Variants in ZNF578 observed in about 807,000 individuals in gnomAD.
ZNF578 encodes the protein zinc finger protein 578.
ZNF578 carries 8 observed loss-of-function variants against 8.3 expected under a neutral mutation model. That is an observed-to-expected ratio of 0.96 (90% CI 0.56 to 1.74). ZNF578 has a LOEUF of 1.74. Among genes scored for constraint, ZNF578 ranks in the 40% most tolerant of loss-of-function variants. The probability of loss-of-function intolerance (pLI) is 0.00; values close to 1 mark genes in which losing one functional copy is unlikely to be tolerated. For synonymous variants in ZNF578, 206 were observed against 232.2 expected (o/e 0.89, Z 1.03); for missense variants, 726 against 707.5 (o/e 1.03, Z -0.30).
chr19:52,477,597 G>GTT (rs34090143), intron 2 of ZNF578, among the ~76,000 whole-genome samples: 22 of 138,844 alleles, frequency 1.6e-4, no homozygotes, highest in Admixed American at 6.5e-4. Flanking sequence ...CCATTTTAGG[G>GTT]TTTTTTTTTT....
chr19:52,506,517 G>GA (rs2059426280), intron 5 of ZNF578, among the ~76,000 whole-genome samples: 1 of 146,086 alleles, frequency 6.8e-6, no homozygotes, highest in South Asian at 2.1e-4. Flanking sequence ...ACCCAGGCTG[G>GA]AGTGCAGTGG....
chr19:52,459,238 GA>G (rs1423181060), intron 2 of ZNF578, among the ~76,000 whole-genome samples: 1 of 152,130 alleles, frequency 6.6e-6, no homozygotes, highest in Non-Finnish European at 1.5e-5. Flanking sequence ...TGTATACCCA[GA>G]ATACACTATA....
Position 52,516,397 on chromosome 19 carries a change from G to A in ZNF578, c.*4243G>A, listed in dbSNP as rs927861395. Reference sequence around the variant, plus strand: ...CATGTGTGTGTGGGCTTCTCCAGAAGGGGAGCCAGAGTTTCCCTGTAGGAG... The same window carrying A: ...CATGTGTGTGTGGGCTTCTCCAGAAAGGGAGCCAGAGTTTCCCTGTAGGAG... On this transcript the variant is annotated 3_prime_UTR_variant, in exon 6 of 6. Coordinates refer to ENST00000421239, the MANE Select transcript of ZNF578 (RefSeq NM_001099694.2). 2.0e-5 allele frequency among the ~76,000 whole-genome samples: 3 copies of A among 152,204 alleles called. No individual in the cohort carries two copies. The highest frequency in any genetic ancestry group is 4.8e-5 in the African/African-American group (2 of 41,454).
At chr19:52,472,786 A>T (rs143091258) in intron 2 of ZNF578, among the ~76,000 whole-genome samples, 1 of 152,222 alleles carries the variant, frequency 6.6e-6, no homozygotes, top group Non-Finnish European at 1.5e-5. Context: ...AAAGATTTCA[A>T]AGTTCAGGCT....
rs1175213798 is a variant in ZNF578, at chr19:52,515,842, A to G, written c.*3688A>G. ...ATGGAAGAAATAGAGGTAGACTCAG[A>G]CACAGAGACCATCTTCAAGGCCTTT... On this transcript the variant is annotated 3_prime_UTR_variant, in exon 6 of 6. Transcript: ENST00000421239. Among the ~76,000 whole-genome samples the G allele has an allele frequency of 1.3e-5, 2 of 152,148 alleles. No homozygotes were observed. The highest frequency in any genetic ancestry group is 2.4e-5 in the African/African-American group (1 of 41,440).
At chr19:52,496,260 C>A (rs1297736703) in intron 3 of ZNF578, among the ~76,000 whole-genome samples, 2 of 152,048 alleles carry the variant, frequency 1.3e-5, no homozygotes, top group Non-Finnish European at 2.9e-5. Context: ...TCGTGATCCA[C>A]CCTCGTCGGC....
rs745502620 is a variant in ZNF578, at chr19:52,511,660, T to TA, written c.1280dup (p.Tyr427Ter). The change falls in exon 6 of 6, where the codon TAC becomes TAAC. Residue 427 changes from tyrosine to a stop codon, truncating the protein, a stop_gained and frameshift_variant. Coordinates refer to ENST00000421239, the MANE Select transcript of ZNF578 (RefSeq NM_001099694.2). LOFTEE classifies it low-confidence loss of function (END_TRUNC). ...TAGACTTCATACTGGAGAGAAACCT[T>TA]ACAAGTGTAATGACTGTGGTAAGGC... ...HHRLHTGEKP[Y>*]KCNDCGKAFI... The TA allele has an allele frequency of 6.5e-5, 105 of 1,614,064 alleles. No individual in the cohort carries two copies. The highest frequency in any genetic ancestry group is 5.4e-4 in the South Asian group (49 of 91,080).
chr19:52,480,926 TAATAATAATA>T (rs2059324285), intron 2 of ZNF578, among the ~76,000 whole-genome samples: 1 of 147,784 alleles, frequency 6.8e-6, no homozygotes, highest in African/African-American at 2.5e-5. Flanking sequence ...ATAATAATAA[TAATAATAATA>T]ATAATAATAA....
chr19:52,512,278 T>G lies in ZNF578; in HGVS notation c.*124T>G. The stretch of plus-strand genomic sequence containing the variant: ...AGAAACCTTACAAGTGTAATGAGTG[T>G]GGCAAAGCCTTTAGTGACCAGTCAA... On this transcript the variant is annotated 3_prime_UTR_variant, in exon 6 of 6. Coordinates refer to ENST00000421239, the MANE Select transcript of ZNF578 (RefSeq NM_001099694.2). The G allele has an allele frequency of 1.3e-6, 2 of 1,587,508 alleles. No homozygotes were observed. Among genetic ancestry groups the G allele is most frequent in the South Asian group, 1.1e-5 (1 of 90,436 alleles).
chr19:52,459,769 A>ATTTTTTT lies in ZNF578; in HGVS notation c.-122+2829_-122+2835dup, dbSNP rs1164629700. On this transcript the variant is annotated intron_variant, in intron 2 of 5. Transcript: ENST00000421239. ...TGTGTGTGTATATATATATATATAT[A>ATTTTTTT]TTTTTTTTTTTTTTTTTTTTTTTTG... Among the ~76,000 whole-genome samples the ATTTTTTT allele has an allele frequency of 2.2e-3, 38 of 17,616 alleles. 4 individuals carry two copies. Among genetic ancestry groups the ATTTTTTT allele is most frequent in the African/African-American group, 5.3e-3 (29 of 5,468 alleles). The allele number at this position is 17,616 out of a possible 152,430, so 11.6% of individuals were successfully genotyped here. A position where few individuals can be genotyped will look rare whatever the true frequency, so the allele number is the denominator to read the frequency against.
chr19:52,512,380 A>T lies in ZNF578; in HGVS notation c.*226A>T. The T allele has an allele frequency of 6.7e-7, 1 of 1,498,112 alleles. No individual in the cohort carries two copies. The highest frequency in any genetic ancestry group is 1.7e-5 in the Admixed American group (1 of 59,696). The allele number at this position is 1,498,112 out of a possible 1,614,324, so 92.8% of individuals were successfully genotyped here. A position where few individuals can be genotyped will look rare whatever the true frequency, so the allele number is the denominator to read the frequency against. ...TTGTCACAAAGTCTTCAGTAACGCT[A>T]CAACGATTGCAAATCATTGGAGAAT... On this transcript the variant is annotated 3_prime_UTR_variant, in exon 6 of 6. Coordinates refer to ENST00000421239, the MANE Select transcript of ZNF578 (RefSeq NM_001099694.2).
chr19:52,515,482 T>C lies in ZNF578; in HGVS notation c.*3328T>C, dbSNP rs1310361091. Among the ~76,000 whole-genome samples, 4 of 152,184 alleles carry C rather than the reference T, an allele frequency of 2.6e-5. No individual in the cohort carries two copies. The highest frequency in any genetic ancestry group is 9.6e-5 in the African/African-American group (4 of 41,464). On this transcript the variant is annotated 3_prime_UTR_variant, in exon 6 of 6. Transcript: ENST00000421239. The stretch of plus-strand genomic sequence containing the variant: ...CCCAGGTTTGTGAAAGAGGTTTCTC[T>C]AATTTTCAAGGATGGGGGTGATAAG...
At chr19:52,472,207 A>G (rs929332263) in intron 2 of ZNF578, among the ~76,000 whole-genome samples, 6 of 152,226 alleles carry the variant, frequency 3.9e-5, no homozygotes, top group African/African-American at 1.2e-4. Flanking sequence ...CCTGCCCAAC[A>G]TGGTGAGAAC....
At chr19:52,471,078 C>T (rs1346133753) in intron 2 of ZNF578, among the ~76,000 whole-genome samples, 1 of 152,132 alleles carries the variant, frequency 6.6e-6, no homozygotes, top group Non-Finnish European at 1.5e-5. Flanking sequence ...GCTCTTACTT[C>T]ACCTTCCTTC....
chr19:52,506,173 A>C (rs553139879), intron 5 of ZNF578, among the ~76,000 whole-genome samples: 248 of 152,254 alleles, frequency 1.6e-3, no homozygotes, highest in Non-Finnish European at 2.7e-3. Context: ...TGCTGGGATT[A>C]CAGTCATGAG....
At chr19:52,486,407 T>C (rs967149951) in intron 2 of ZNF578, among the ~76,000 whole-genome samples, 2 of 152,220 alleles carry the variant, frequency 1.3e-5, no homozygotes, top group Admixed American at 6.5e-5. Flanking sequence ...CCACTGTTCT[T>C]TCTCTATACT....
rs749753831 is a variant in ZNF578, at chr19:52,501,920, T to C, written c.63+12T>C. ...TGGCTCTTCCTCAGGTGAAGTGATA[T>C]TCCTCTGTGGATTAATCTGTCTCTT... On this transcript the variant is annotated intron_variant, in intron 4 of 5. Transcript: ENST00000421239. 6 of 1,611,866 alleles carry C rather than the reference T, an allele frequency of 3.7e-6. No homozygotes were observed. The African/African-American group carries it at 6.7e-5, about 18-fold the overall frequency.
At chr19:52,458,571 A>G (rs1175627084) in intron 2 of ZNF578, 1 of 150,134 alleles carries the variant, frequency 6.7e-6, no homozygotes, top group Non-Finnish European at 1.5e-5. Flanking sequence ...GGGGACATGT[A>G]TATACAAAAT....
intron 3 of ZNF578, among the ~76,000 whole-genome samples, chr19:52,499,806 C>T (rs960211042): frequency 6.6e-6 from 1 of 151,520 alleles, no homozygotes; most frequent in Non-Finnish European, 1.5e-5. Context: ...CTGCCTCAGA[C>T]TCCCGAGTAG....
Sources: allele counts gnomAD v4.1 joint callset (sites outside exome capture counted in the v4.1 genomes callset), GRCh38; gene constraint gnomAD v4.1.1; transcripts MANE v1.5; gene names NCBI Gene and HGNC (gene_info 2026-07-23, HGNC 2026-07-21).